CTXN3: variants seen among roughly 807,000 people sequenced by gnomAD.
The protein encoded by CTXN3 is cortexin 3, also known as cortexin-3.
Under a neutral mutation model 5.0 loss-of-function variants are expected in CTXN3, and 4 were observed. That is an observed-to-expected ratio of 0.79 (90% CI 0.39 to 1.82). The LOEUF is 1.82. Ranked by LOEUF, CTXN3 falls within the 40% of genes most tolerant of loss-of-function variation. CTXN3 has a pLI of 0.04. For synonymous variants in CTXN3, 48 were observed against 38.6 expected, an observed-to-expected ratio of 1.24 and a Z score of -0.91; for missense variants, 89 against 99.7, an observed-to-expected ratio of 0.89 and a Z score of 0.46.
chr5:127,650,636 T>G (rs928434095), intron 1 of CTXN3, among the ~76,000 whole-genome samples: 1 of 152,236 alleles, frequency 6.6e-6, no homozygotes, highest in African/African-American at 2.4e-5. Flanking sequence ...TGAAATATTT[T>G]GTATCTTTGT....
intron 1 of CTXN3, among the ~76,000 whole-genome samples, chr5:127,650,238 C>T (rs1352044294): frequency 6.6e-6 from 1 of 152,108 alleles, no homozygotes; most frequent in African/African-American, 2.4e-5. Context: ...GCTGACTTTG[C>T]AGAAACAAGC....
At chr5:127,651,540 T>A (rs531533620) in intron 1 of CTXN3, among the ~76,000 whole-genome samples, 1 of 152,268 alleles carries the variant, frequency 6.6e-6, no homozygotes, top group South Asian at 2.1e-4. Context: ...TTATTTATAA[T>A]TTTCATACCT....
At chr5:127,654,546 G>C (rs777402642) in intron 2 of CTXN3, among the ~76,000 whole-genome samples, 5 of 152,212 alleles carry the variant, frequency 3.3e-5, no homozygotes, top group Non-Finnish European at 4.4e-5. Flanking sequence ...GGATGAATAA[G>C]TTATTTGCTG....
chr5:127,655,093 G>A (rs1197460248), intron 2 of CTXN3, among the ~76,000 whole-genome samples: 7 of 151,662 alleles, frequency 4.6e-5, no homozygotes, highest in African/African-American at 7.3e-5. Flanking sequence ...GAGAAACCCC[G>A]TCTCTACTAA....
rs745983302 is a variant in CTXN3, at chr5:127,657,797, A to T, written c.*30A>T. ...GATGGTGTGGGATCTCCTCCTGAGG[A>T]GATGAAGTGCTTTGTGTCTTGGTGA... is the stretch of plus-strand genomic sequence containing the variant. On this transcript the variant is annotated 3_prime_UTR_variant, in exon 3 of 3. Coordinates refer to ENST00000379445, the MANE Select transcript of CTXN3 (RefSeq NM_001048252.3). The T allele has an allele frequency of 1.2e-6, 2 of 1,612,068 alleles. No individual in the cohort carries two copies. The highest frequency in any genetic ancestry group is 2.2e-5 in the South Asian group (2 of 90,828).
In CTXN3 at chr5:127,654,990, A is replaced by G. The variant is rs368614609; in HGVS notation, c.-100+1567A>G. Among the ~76,000 whole-genome samples the G allele has an allele frequency of 3.3e-5, 5 of 152,052 alleles. No homozygotes were observed. In the East Asian group the frequency reaches 9.6e-4, roughly 29 times the overall value. ...AAGAACTTTCTGAAAATGGCCAGGC[A>G]TGGTGGCTCATGCCTGTAATCCCAG... On this transcript the variant is annotated intron_variant, in intron 2 of 2. Coordinates refer to ENST00000379445, the MANE Select transcript of CTXN3 (RefSeq NM_001048252.3).
At chr5:127,651,822 CT>C (rs1170920797) in intron 1 of CTXN3, 1 of 148,980 alleles carries the variant, frequency 6.7e-6, no homozygotes, top group Admixed American at 6.7e-5. Flanking sequence ...GTCGCTGTCA[CT>C]TAAAAAAAAA....
At chr5:127,650,001 A>G (rs914706189) in intron 1 of CTXN3, among the ~76,000 whole-genome samples, 6 of 152,016 alleles carry the variant, frequency 3.9e-5, no homozygotes, top group African/African-American at 1.4e-4. Context: ...CTGACTAGGC[A>G]CCCTCATGGT....
intron 1 of CTXN3, chr5:127,652,979 C>T (rs1749815854): frequency 6.6e-6 from 1 of 152,124 alleles, no homozygotes; most frequent in African/African-American, 2.4e-5. Context: ...GCATCAGGCC[C>T]ACAAGGGGGT....
At position 127,653,377 on chromosome 5, in the gene CTXN3, A is replaced by G. The variant is rs1421514768; in HGVS notation, c.-146A>G. On this transcript the variant is annotated 5_prime_UTR_variant, in exon 2 of 3. Coordinates refer to ENST00000379445, the MANE Select transcript of CTXN3 (RefSeq NM_001048252.3). ...AATGGACCTGACAAAGGGAAGACACAGATGTACTGCGTGATGAGGAAAGCC... is the reference window on the plus strand; with the variant it reads ...AATGGACCTGACAAAGGGAAGACACGGATGTACTGCGTGATGAGGAAAGCC... 1 of 152,246 alleles carries G rather than the reference A, an allele frequency of 6.6e-6. No homozygotes were observed. Among genetic ancestry groups the G allele is most frequent in the Admixed American group, 6.5e-5 (1 of 15,286 alleles). The allele number at this position is 152,246 out of a possible 1,614,324, so 9.4% of individuals were successfully genotyped here.
chr5:127,655,643 T>G (rs1164186372), intron 2 of CTXN3, among the ~76,000 whole-genome samples: 1 of 152,164 alleles, frequency 6.6e-6, no homozygotes, highest in African/African-American at 2.4e-5. Context: ...GCCCCTCCCT[T>G]CCTGGCCCAC....
chr5:127,651,672 G>C (rs1184643714), intron 1 of CTXN3: 1 of 151,836 alleles, frequency 6.6e-6, no homozygotes, highest in African/African-American at 2.4e-5. Context: ...TGCCAGGCAG[G>C]ACTACACAGG....
intron 2 of CTXN3, among the ~76,000 whole-genome samples, chr5:127,654,574 G>A (rs1749862692): frequency 6.6e-6 from 1 of 152,184 alleles, no homozygotes; most frequent in Admixed American, 6.5e-5. Flanking sequence ...TGGAATGGTT[G>A]CCTACCACTG....
At chr5:127,655,783 T>A (rs968235158) in intron 2 of CTXN3, among the ~76,000 whole-genome samples, 1 of 152,180 alleles carries the variant, frequency 6.6e-6, no homozygotes, top group African/African-American at 2.4e-5. Context: ...TTTATCCCAA[T>A]CTTACTTCCA....
chr5:127,651,903 A>T (rs540353308), intron 1 of CTXN3: 1 of 152,288 alleles, frequency 6.6e-6, no homozygotes, highest in Non-Finnish European at 1.5e-5. Context: ...CTTACTGTGA[A>T]ATTGTATAAT....
chr5:127,652,799 C>A (rs1303979785), intron 1 of CTXN3, among the ~76,000 whole-genome samples: 56 of 152,184 alleles, frequency 3.7e-4, no homozygotes, highest in Admixed American at 3.7e-3. Context: ...CCACAGGTGT[C>A]CACAGACTCA....
chr5:127,652,757 A>G (rs1749811804), intron 1 of CTXN3, among the ~76,000 whole-genome samples: 1 of 152,224 alleles, frequency 6.6e-6, no homozygotes, highest in Non-Finnish European at 1.5e-5. Flanking sequence ...GTATTGGATC[A>G]AGCTGAAAAA....
intron 2 of CTXN3, among the ~76,000 whole-genome samples, chr5:127,655,641 C>A (rs1424833283): frequency 1.3e-5 from 2 of 152,206 alleles, no homozygotes; most frequent in African/African-American, 4.8e-5. Context: ...CTGCCCCTCC[C>A]TTCCTGGCCC....
Position 127,649,174 on chromosome 5 carries a change from A to C in CTXN3, c.-421A>C, listed in dbSNP as rs1379900349. ...GGCCGTTAATGATGCCTCACACAGA[A>C]AGACGATGCTCCTTTAACTCGGGGT... On this transcript the variant is annotated 5_prime_UTR_variant, in exon 1 of 3. Coordinates refer to ENST00000379445, the MANE Select transcript of CTXN3 (RefSeq NM_001048252.3). The C allele has an allele frequency of 6.6e-6, 1 of 152,196 alleles. No homozygotes were observed. Among genetic ancestry groups the C allele is most frequent in the African/African-American group, 2.4e-5 (1 of 41,434 alleles). 9.4% of individuals were successfully genotyped at this position (152,196 alleles called of 1,614,324 possible).
Sources: allele counts gnomAD v4.1 joint callset (sites outside exome capture counted in the v4.1 genomes callset), GRCh38; gene constraint gnomAD v4.1.1; transcripts MANE v1.5; gene names NCBI Gene and HGNC (gene_info 2026-07-23, HGNC 2026-07-21).